Variants in PCDHGA4 observed in about 807,000 individuals in gnomAD.
PCDHGA4 encodes protocadherin gamma-A4.
A neutral mutation model predicts 54.6 loss-of-function variants in PCDHGA4; 38 were observed. The observed-to-expected ratio is 0.70, with a 90% CI of 0.54 to 0.91. PCDHGA4 has a LOEUF of 0.91. PCDHGA4 is among the 40% of genes least tolerant of loss of function. The pLI, the probability that PCDHGA4 is intolerant of heterozygous loss-of-function variation, is 0.00. For missense variants in PCDHGA4, 1,298 were observed against 1,220.9 expected, an observed-to-expected ratio of 1.06 and a Z score of -0.94; for synonymous variants, 511 against 512.9, an observed-to-expected ratio of 1.00 and a Z score of 0.05.
At chr5:141,419,527 C>T (rs755936657) in intron 1 of PCDHGA4, 4 of 1,612,064 alleles carry the variant, frequency 2.5e-6, no homozygotes, top group Non-Finnish European at 2.5e-6. Context: ...GCGACCGTAA[C>T]GACAACGCAC....
chr5:141,509,810 G>T (rs1272295976), intron 3 of PCDHGA4, among the ~76,000 whole-genome samples: 1 of 152,154 alleles, frequency 6.6e-6, no homozygotes, highest in East Asian at 1.9e-4. Flanking sequence ...ATAGAGCCGA[G>T]CTCTTCTCCA....
In PCDHGA4 at chr5:141,493,511, T is replaced by G. The variant is rs1203329648; in HGVS notation, c.2515-1296T>G. Among the ~76,000 whole-genome samples the G allele has an allele frequency of 6.6e-6, 1 of 152,094 alleles. No individual in the cohort carries two copies. Reference sequence around the variant, plus strand: ...TCTGTGGCTCCTCATTTCTGAGCAGTCCCCGCAGCGCAAACTTGGCCAGTT... The same window carrying G: ...TCTGTGGCTCCTCATTTCTGAGCAGGCCCCGCAGCGCAAACTTGGCCAGTT... On this transcript the variant is annotated intron_variant, in intron 1 of 3. Coordinates refer to ENST00000571252, the MANE Select transcript of PCDHGA4 (RefSeq NM_018917.4). This position sits in a 1 kb window ranked among gnomAD's most constrained non-coding sequence, Gnocchi z 4.3.
rs2099170089 is a variant in PCDHGA4, at chr5:141,468,602, C to T, written c.2515-26205C>T. On this transcript the variant is annotated intron_variant, in intron 1 of 3. Coordinates refer to ENST00000571252, the MANE Select transcript of PCDHGA4 (RefSeq NM_018917.4). ...GTACTAAAGGCTGGGCGCGGTGGCT[C>T]ACGCCTGTAATCCCAGCACTTTGGG... The T allele has an allele frequency of 2.6e-5, 4 of 152,284 alleles. No individual in the cohort carries two copies. The South Asian group carries it at 8.3e-4, about 32-fold the overall frequency. 9.4% of individuals were successfully genotyped at this position (152,284 alleles called of 1,614,324 possible).
At chr5:141,414,921 G>T (rs746806079) in intron 1 of PCDHGA4, 22 of 1,613,992 alleles carry the variant, frequency 1.4e-5, no homozygotes, top group East Asian at 4.5e-5. Context: ...TGGAGCTGGC[G>T]CCCCGCTCCG....
chr5:141,471,112 G>A (rs1442344944), intron 1 of PCDHGA4, among the ~76,000 whole-genome samples: 3 of 147,914 alleles, frequency 2.0e-5, no homozygotes, highest in Non-Finnish European at 4.4e-5. Flanking sequence ...GCAGTGGTGC[G>A]ATCTTACCTT....
chr5:141,366,392 G>A (rs1474350947), intron 1 of PCDHGA4: 24 of 1,614,020 alleles, frequency 1.5e-5, no homozygotes, highest in Non-Finnish European at 1.9e-5. Flanking sequence ...TGAGGATCTG[G>A]ACCTCACACT....
Position 141,356,868 on chromosome 5 carries a change from C to A in PCDHGA4, c.1761C>A (p.Asn587Lys). ...VSLSLFVLDQ[N>K]DNVPEILYPT... The stretch of plus-strand genomic sequence containing the variant: ...TGAGCCTCTTTGTGCTGGACCAGAA[C>A]GACAATGTCCCTGAGATCCTGTACC... The change falls in exon 1 of 4, where the codon AAC becomes AAA. Residue 587 changes from asparagine (N) to lysine (K), a missense_variant. Coordinates refer to ENST00000571252, the MANE Select transcript of PCDHGA4 (RefSeq NM_018917.4). 1 of 1,614,206 alleles carries A rather than the reference C, an allele frequency of 6.2e-7. No homozygotes were observed. Among genetic ancestry groups the A allele is most frequent in the Non-Finnish European group, 8.5e-7 (1 of 1,180,028 alleles).
intron 1 of PCDHGA4, chr5:141,422,764 G>A: frequency 1.2e-6 from 2 of 1,613,582 alleles, no homozygotes; most frequent in Non-Finnish European, 8.5e-7. Flanking sequence ...CTCCAACACT[G>A]GTGTTCTCTA....
rs922042985 is a variant in PCDHGA4, at chr5:141,415,768, T to G, written c.2514+58147T>G. 1.6e-5 allele frequency: 22 copies of G among 1,345,224 alleles called. No homozygotes were observed. The African/African-American group carries it at 3.6e-4, about 22-fold the overall frequency. The allele number at this position is 1,345,224 out of a possible 1,614,324, so 83.3% of individuals were successfully genotyped here. ...TTTTTTTTTTTTTTTTTTTTTTTTT[T>G]TTTTACTTTCTGGTAAAATTCACCT... is the stretch of plus-strand genomic sequence containing the variant. On this transcript the variant is annotated intron_variant, in intron 1 of 3. Coordinates refer to ENST00000571252, the MANE Select transcript of PCDHGA4 (RefSeq NM_018917.4).
intron 1 of PCDHGA4, among the ~76,000 whole-genome samples, chr5:141,435,539 C>T (rs75717921): frequency 1.3e-5 from 2 of 152,226 alleles, no homozygotes; most frequent in South Asian, 4.1e-4. Flanking sequence ...TCAGAATTAA[C>T]AAAATGTGTT....
chr5:141,365,657 G>A (rs79266084), intron 1 of PCDHGA4: 42,341 of 1,613,360 alleles, frequency 0.026, 713 homozygotes, highest in East Asian at 0.041. Flanking sequence ...CTTGAAAGTA[G>A]CAGACGTTAA....
intron 1 of PCDHGA4, chr5:141,389,972 GA>G: frequency 6.2e-7 from 1 of 1,614,056 alleles, no homozygotes; most frequent in East Asian, 2.2e-5. Flanking sequence ...CCTTGGCCTT[GA>G]TCTCAGTGCT....
rs775247725 is a variant in PCDHGA4, at chr5:141,393,523, A to T, written c.2514+35902A>T. The T allele has an allele frequency of 2.0e-5, 33 of 1,613,900 alleles. No individual in the cohort carries two copies. Among genetic ancestry groups the T allele is most frequent in the Middle Eastern group, 1.6e-4 (1 of 6,084 alleles). ...CACGTGACAGTGTTGGATACAAATG[A>T]CAATGCCCCGGTTTTTCCTCACCCG... is the stretch of plus-strand genomic sequence containing the variant. On this transcript the variant is annotated intron_variant, in intron 1 of 3. Transcript: ENST00000571252.
chr5:141,511,359 T>C lies in PCDHGA4; in HGVS notation c.*186T>C. The stretch of plus-strand genomic sequence containing the variant: ...CACCTACCCCTTCCCCCCCAGGGGG[T>C]TGAATATGCAAAAGCAGTTCCGCTG... On this transcript the variant is annotated 3_prime_UTR_variant, in exon 4 of 4. Coordinates refer to ENST00000571252, the MANE Select transcript of PCDHGA4 (RefSeq NM_018917.4). The C allele has an allele frequency of 2.2e-6, 3 of 1,339,338 alleles. No homozygotes were observed. In the South Asian group the frequency reaches 4.6e-5, roughly 20 times the overall value. The allele number at this position is 1,339,338 out of a possible 1,614,324, so 83.0% of individuals were successfully genotyped here. A position where few individuals can be genotyped will look rare whatever the true frequency, so the allele number is the denominator to read the frequency against.
intron 1 of PCDHGA4, chr5:141,382,754 G>A: frequency 1.6e-6 from 1 of 636,380 alleles, no homozygotes; most frequent in East Asian, 2.7e-5. Context: ...ATTGCGATAA[G>A]CCCTCTTCCA....
At chr5:141,473,098 A>G (rs564554159) in intron 1 of PCDHGA4, among the ~76,000 whole-genome samples, 6 of 152,300 alleles carry the variant, frequency 3.9e-5, no homozygotes, top group South Asian at 4.1e-4. Context: ...TGTGAGTTGT[A>G]TTACCACACT....
chr5:141,390,728 G>A (rs550991911), intron 1 of PCDHGA4: 12 of 194,328 alleles, frequency 6.2e-5, no homozygotes, highest in Admixed American at 2.2e-4. Context: ...AATTTAACTG[G>A]TATGGTCTCC....
At chr5:141,419,623 G>A in intron 1 of PCDHGA4, 1 of 1,612,328 alleles carries the variant, frequency 6.2e-7, no homozygotes, top group East Asian at 2.2e-5. Context: ...GCTACCTGGT[G>A]ACCAAGGTGG....
rs772255956 is a variant in PCDHGA4 at position 141,361,360 on chromosome 5, G to T, written c.2514+3739G>T. ...CTATTACAAACTAGTGACAGACGGC[G>T]CTCTGGACCGGGAGGAGATCCCAGA... On this transcript the variant is annotated intron_variant, in intron 1 of 3. Coordinates refer to ENST00000571252, the MANE Select transcript of PCDHGA4 (RefSeq NM_018917.4). 3.1e-6 allele frequency: 5 copies of T among 1,613,944 alleles called. No homozygotes were observed. In the Admixed American group the frequency reaches 5.0e-5, roughly 16 times the overall value.
Sources: allele counts gnomAD v4.1 joint callset (sites outside exome capture counted in the v4.1 genomes callset), GRCh38; gene constraint gnomAD v4.1.1; non-coding constraint Gnocchi (gnomAD v3.1); transcripts MANE v1.5; gene names NCBI Gene and HGNC (gene_info 2026-07-23, HGNC 2026-07-21).